ETNK2: variants seen among roughly 807,000 people sequenced by gnomAD.
ETNK2 encodes the protein ethanolamine kinase 2.
Under a neutral mutation model 46.2 loss-of-function variants are expected in ETNK2, and 33 were observed. That is an observed-to-expected ratio of 0.71 (90% CI 0.54 to 0.96). ETNK2 has a LOEUF of 0.96. ETNK2 is among the 40% of genes least tolerant of loss of function. ETNK2 has a pLI of 0.00. For synonymous variants in ETNK2, 194 were observed against 209.0 expected (o/e 0.93, Z 0.62); for missense variants, 445 against 509.7 (o/e 0.87, Z 1.22).
chr1:204,134,626 C>G (rs1322595554), intron 6 of ETNK2, 38 bp from the exon 7 acceptor site: 1 of 1,613,896 alleles, frequency 6.2e-7, no homozygotes, highest in African/African-American at 1.3e-5. Flanking sequence ...TGGCAATCTC[C>G]CCATGCCTGT....
At chr1:204,141,509 G>T in intron 3 of ETNK2, 52 bp from the exon 4 acceptor site, 1 of 1,541,936 alleles carries the variant, frequency 6.5e-7, no homozygotes. Flanking sequence ...ATAGACAGGT[G>T]CTTGGCCTCA....
intron 2 of ETNK2, 47 bp downstream of exon 2, chr1:204,149,656 C>T (rs1356903980): frequency 1.3e-6 from 2 of 1,526,408 alleles, no homozygotes; most frequent in Admixed American, 2.0e-5. Flanking sequence ...TTTCCAAGCC[C>T]AAGGCCTGAA....
chr1:204,143,338 G>T (rs542059794), intron 3 of ETNK2, among the ~76,000 whole-genome samples: 1 of 151,976 alleles, frequency 6.6e-6, no homozygotes, highest in Non-Finnish European at 1.5e-5. Flanking sequence ...GATGCCTGCT[G>T]CTCTGTCCCT....
At chr1:204,147,565 C>A (rs750394800) in intron 2 of ETNK2, 2 of 532,736 alleles carry the variant, frequency 3.8e-6, no homozygotes, top group Non-Finnish European at 3.9e-6. Context: ...TGTCCCACCC[C>A]CCAACCGTCT....
chr1:204,137,093 A>G lies in ETNK2; in HGVS notation c.1014+11T>C. On this transcript the variant is annotated intron_variant, in intron 6 of 7. Transcript: ENST00000367202. Reference sequence around the variant, plus strand: ...CCTTTCCTGCCCCAGCCCTAGAAATAAGGCACTCACCAGGGCAAACTTGTT... The same window carrying G: ...CCTTTCCTGCCCCAGCCCTAGAAATGAGGCACTCACCAGGGCAAACTTGTT... The G allele has an allele frequency of 6.2e-7, 1 of 1,613,178 alleles. No homozygotes were observed. The highest frequency in any genetic ancestry group is 8.5e-7 in the Non-Finnish European group (1 of 1,179,428).
intron 2 of ETNK2, chr1:204,147,553 G>A (rs375136601): frequency 1.8e-4 from 96 of 533,208 alleles, no homozygotes; most frequent in East Asian, 4.4e-4. Flanking sequence ...CTTCCCTTCC[G>A]CTGTCCCACC....
chr1:204,144,411 T>A (rs1657699416), intron 3 of ETNK2, among the ~76,000 whole-genome samples: 1 of 139,580 alleles, frequency 7.2e-6, no homozygotes, highest in South Asian at 2.5e-4. Context: ...TCAATTGATC[T>A]CCAAAGTTGG....
chr1:204,144,874 G>A (rs1373794002), intron 3 of ETNK2, among the ~76,000 whole-genome samples: 2 of 152,082 alleles, frequency 1.3e-5, no homozygotes, highest in Non-Finnish European at 2.9e-5. Flanking sequence ...AACTTTCCCT[G>A]GTTCTTCCAC....
chr1:204,141,566 G>C (rs1344435233), intron 3 of ETNK2, 109 bp from the exon 4 acceptor site: 8 of 1,298,804 alleles, frequency 6.2e-6, no homozygotes, highest in Non-Finnish European at 8.4e-6. Flanking sequence ...TTACTGCAGG[G>C]GGCCTTGGAA....
In ETNK2 at chr1:204,137,196, A is replaced by C; in HGVS notation, c.922T>G (p.Trp308Gly). ...TGTGCCTGCAGGTAGTAGTGCAGCC[A>C]CTGCAGCTGGGTCTCCCGCGCCGGG... is the stretch of plus-strand genomic sequence containing the variant. ...LYPARETQLQ[W>G]LHYYLQAQKG... Residue 308 changes from tryptophan to glycine, a missense_variant, in exon 6 of 8, where the codon TGG becomes GGG. Physicochemically the swap from Trp to Gly is radical, Grantham distance 184. Transcript: ENST00000367202. 6.2e-7 allele frequency: 1 copy of C among 1,613,950 alleles called. No homozygotes were observed.
At chr1:204,132,752 A>C (rs1339784380) in intron 7 of ETNK2, among the ~76,000 whole-genome samples, 1 of 151,810 alleles carries the variant, frequency 6.6e-6, no homozygotes, top group African/African-American at 2.4e-5. Flanking sequence ...TTTAACTTCA[A>C]CTACATTTTT....
intron 7 of ETNK2, among the ~76,000 whole-genome samples, chr1:204,133,758 T>C (rs1032198708): frequency 1.3e-5 from 2 of 152,042 alleles, no homozygotes; most frequent in Admixed American, 6.6e-5. Flanking sequence ...GTCTTGATCT[T>C]CTGACCTCGT....
At position 204,141,424 on chromosome 1, in the gene ETNK2, C is replaced by T; in HGVS notation, c.675G>A (p.Leu225=). 1 of 1,608,416 alleles carries T rather than the reference C, an allele frequency of 6.2e-7. No individual in the cohort carries two copies. The highest frequency in any genetic ancestry group is 8.5e-7 in the Non-Finnish European group (1 of 1,177,214). The change falls in exon 4 of 8, where the codon TTG becomes TTA. Residue 225 remains leucine (L), a synonymous_variant. Transcript: ENST00000367202. Reference sequence around the variant, plus strand: ...CCTTCAGCCAGGCCAGCTCCCGTTCCAACACCTCTACCTTAGGGACATCTG... The same window carrying T: ...CCTTCAGCCAGGCCAGCTCCCGTTCTAACACCTCTACCTTAGGGACATCTG... ...LSADVPKVEV[L]ERELAWLKEH... is the part of the protein sequence containing the mutation.
In ETNK2 at chr1:204,132,027, C is replaced by T. The variant is rs139047077; in HGVS notation, c.*157G>A. On this transcript the variant is annotated 3_prime_UTR_variant, in exon 8 of 8. Transcript: ENST00000367202. ...AGGAGAATGAGGTCTTCAGTGGCAA[C>T]CACTGGGGTCTGGCGGCAGGGACAG... 147 of 674,780 alleles carry T rather than the reference C, an allele frequency of 2.2e-4. No homozygotes were observed. The African/African-American group carries it at 2.5e-3, about 11-fold the overall frequency. The allele number at this position is 674,780 out of a possible 1,614,324, so 41.8% of individuals were successfully genotyped here. A position where few individuals can be genotyped will look rare whatever the true frequency, so the allele number is the denominator to read the frequency against.
intron 3 of ETNK2, among the ~76,000 whole-genome samples, chr1:204,143,435 G>A (rs564572732): frequency 1.2e-4 from 18 of 151,920 alleles, no homozygotes; most frequent in Admixed American, 1.0e-3. Context: ...TCTCCCCGGG[G>A]CCTCCCTCCC....
At chr1:204,148,977 G>A (rs913537398) in intron 2 of ETNK2, among the ~76,000 whole-genome samples, 1 of 152,184 alleles carries the variant, frequency 6.6e-6, no homozygotes, top group African/African-American at 2.4e-5. Flanking sequence ...AGGGAGGAAG[G>A]AGGACACTGC....
chr1:204,147,866 C>G (rs1657853397), intron 2 of ETNK2, among the ~76,000 whole-genome samples: 1 of 152,186 alleles, frequency 6.6e-6, no homozygotes, highest in African/African-American at 2.4e-5. Context: ...GAAGGCTGTG[C>G]TTTCTTTCAG....
At chr1:204,132,391 G>T in intron 7 of ETNK2, 135 bp from the exon 8 acceptor site, 1 of 656,770 alleles carries the variant, frequency 1.5e-6, no homozygotes, top group East Asian at 2.7e-5. Flanking sequence ...CCCCAACCCA[G>T]ACTGATTAGT....
Position 204,132,156 on chromosome 1 carries a change from A to T in ETNK2, c.*28T>A. On this transcript the variant is annotated 3_prime_UTR_variant, in exon 8 of 8. Coordinates refer to ENST00000367202, the MANE Select transcript of ETNK2 (RefSeq NM_018208.4). ...CTGGAGAACAGGTCTGGCCAGACAG[A>T]TGGGTAGGGGAGGGATGGGGTGGCT... 1 of 1,545,102 alleles carries T rather than the reference A, an allele frequency of 6.5e-7. No homozygotes were observed. Among genetic ancestry groups the T allele is most frequent in the Non-Finnish European group, 8.8e-7 (1 of 1,138,596 alleles).
Sources: allele counts gnomAD v4.1 joint callset (sites outside exome capture counted in the v4.1 genomes callset), GRCh38; gene constraint gnomAD v4.1.1; transcripts MANE v1.5; gene names NCBI Gene and HGNC (gene_info 2026-07-23, HGNC 2026-07-21).